Variants in TAF7L observed in about 807,000 individuals in gnomAD.
TAF7L encodes the protein TATA-box binding protein associated factor 7 like.
A neutral mutation model predicts 30.2 loss-of-function variants in TAF7L; 6 were observed. The ratio of observed to expected loss-of-function variants is 0.20; its 90% CI spans 0.11 to 0.39. The LOEUF (loss-of-function observed/expected upper bound fraction) is 0.39, where lower values mean the gene tolerates loss of function less well. Ranked by LOEUF, TAF7L falls within the 10% of genes least tolerant of loss-of-function variation. TAF7L has a pLI of 1.00. For missense variants in TAF7L, 284 were observed against 277.1 expected (o/e 1.03, Z -0.18); for synonymous variants, 93 against 94.5 (o/e 0.98, Z 0.09).
At chrX:101,279,945 CA>C (rs2147375620) in intron 6 of TAF7L, among the ~76,000 whole-genome samples, 1 of 107,235 alleles carries the variant, frequency 9.3e-6, no homozygotes, top group South Asian at 4.0e-4. Context: ...AACAAACAAA[CA>C]AAAACAAAAC....
chrX:101,282,266 G>A, intron 5 of TAF7L, 61 bp downstream of exon 5: 1 of 1,193,182 alleles, frequency 8.4e-7, no homozygotes. Flanking sequence ...GTTTCACAAG[G>A]AATTAGGATT....
At chrX:101,281,881 ACTC>A in intron 5 of TAF7L, 106 bp from the exon 6 acceptor site, 2 of 553,493 alleles carry the variant, frequency 3.6e-6, no homozygotes, top group Non-Finnish European at 5.1e-6. Context: ...TCATGACATC[ACTC>A]CTTTTTTTTT....
chrX:101,280,011 T>G (rs192910279), intron 6 of TAF7L, among the ~76,000 whole-genome samples: 1 of 101,825 alleles, frequency 9.8e-6, no homozygotes, highest in Non-Finnish European at 2.0e-5. Flanking sequence ...TTTACAAAAA[T>G]TAAGTCGAAA....
At chrX:101,272,272 C>G (rs1440382091) in intron 12 of TAF7L, among the ~76,000 whole-genome samples, 1 of 111,927 alleles carries the variant, frequency 8.9e-6, no homozygotes, top group Non-Finnish European at 1.9e-5. Context: ...TCTCCTTCAA[C>G]ACCCAGTAAT....
chrX:101,274,176 G>A (rs1924076151), intron 12 of TAF7L, among the ~76,000 whole-genome samples: 1 of 110,377 alleles, frequency 9.1e-6, no homozygotes, highest in South Asian at 3.9e-4. Context: ...ACATGCAAAA[G>A]GTCTCCAAAT....
chrX:101,279,021 T>C lies in TAF7L; in HGVS notation c.477A>G (p.Lys159=), dbSNP rs777726028. Residue 159 remains lysine, a synonymous_variant, in exon 7 of 13, where the codon AAA becomes AAG. Transcript: ENST00000356784. ...RKTQKKVPDV[K]EMEKSSFTEY... ...CAGTAAAGCTGCTTTTTTCCATTTC[T>C]TTGACATCAGGGACCTATGAAATAA... is the stretch of plus-strand genomic sequence containing the variant. 2 of 1,202,431 alleles carry C rather than the reference T, an allele frequency of 1.7e-6. No homozygotes were observed. Among genetic ancestry groups the C allele is most frequent in the African/African-American group, 3.5e-5 (2 of 57,163 alleles).
chrX:101,280,709 C>T (rs1250552055), intron 6 of TAF7L, among the ~76,000 whole-genome samples: 1 of 111,719 alleles, frequency 9.0e-6, no homozygotes, highest in Non-Finnish European at 1.9e-5. Flanking sequence ...AACCTGTAAA[C>T]AACCCAGATG....
chrX:101,288,463 T>C (rs1042316301), intron 1 of TAF7L, among the ~76,000 whole-genome samples: 4 of 109,440 alleles, frequency 3.7e-5, no homozygotes, highest in African/African-American at 1.3e-4. Flanking sequence ...TTCTTTTTTT[T>C]TTTTTGAGAC....
chrX:101,281,686 G>A lies in TAF7L; in HGVS notation c.462+34C>T, dbSNP rs749924567. The A allele has an allele frequency of 1.8e-5, 21 of 1,189,410 alleles. No homozygotes were observed. The South Asian group carries it at 2.3e-4, about 13-fold the overall frequency. The stretch of plus-strand genomic sequence containing the variant: ...TCTGGCCCATGATCCTCTTCTAATC[G>A]GCCCGGCAGACACACAAATAGCATG... On this transcript the variant is annotated intron_variant, in intron 6 of 12. Transcript: ENST00000356784.
chrX:101,292,828 G>A (rs1924874430), upstream of TAF7L: 3 of 1,209,325 alleles, frequency 2.5e-6, no homozygotes, highest in South Asian at 1.8e-5. Flanking sequence ...CTGGGCAGCA[G>A]CCTGGGCGCT....
rs757322970 is a variant in TAF7L, at chrX:101,289,778, A to G, written c.-3+1446T>C. Among the ~76,000 whole-genome samples, 5 of 109,564 alleles carry G rather than the reference A, an allele frequency of 4.6e-5. No homozygotes were observed. The Admixed American group carries it at 4.8e-4, about 11-fold the overall frequency. Reference sequence around the variant, plus strand: ...TTTTTTTTGTATATTTAGTAGAGACAGGGTTTCACCATGTTGGCCAGGCTG... The same window carrying G: ...TTTTTTTTGTATATTTAGTAGAGACGGGGTTTCACCATGTTGGCCAGGCTG... On this transcript the variant is annotated intron_variant, in intron 1 of 12. Transcript: ENST00000356784.
At chrX:101,286,677 A>G (rs1365387461) in intron 2 of TAF7L, 24 bp from the exon 3 acceptor site, 2 of 1,129,190 alleles carry the variant, frequency 1.8e-6, no homozygotes, top group Admixed American at 2.2e-5. Flanking sequence ...AAATTGAAAA[A>G]TCAGAAGAAC....
chrX:101,273,518 G>GGCGGATGTT (rs1924050130), intron 12 of TAF7L, among the ~76,000 whole-genome samples: 1 of 111,398 alleles, frequency 9.0e-6, no homozygotes, highest in Admixed American at 9.6e-5. Flanking sequence ...GAACCCGAGA[G>GGCGGATGTT]GCGGATGTTG....
intron 8 of TAF7L, 102 bp downstream of exon 8, chrX:101,277,947 C>T (rs1924270125): frequency 1.4e-6 from 1 of 708,850 alleles, no homozygotes; most frequent in Non-Finnish European, 2.2e-6. Context: ...ATCTTAAGTT[C>T]CACACATCAA....
Position 101,283,440 on chromosome X carries a change from T to C in TAF7L, c.279+10A>G. The C allele has an allele frequency of 8.3e-7, 1 of 1,206,784 alleles. No homozygotes were observed. Among genetic ancestry groups the C allele is most frequent in the Non-Finnish European group, 1.1e-6 (1 of 893,538 alleles). On this transcript the variant is annotated intron_variant, in intron 4 of 12. Transcript: ENST00000356784. ...AGGATGTGAGGCTAGTAAAGAAAAC[T>C]AGTCCATACCTGAGAAATGTCTGCT...
At chrX:101,274,999 C>G (rs1273763292) in intron 12 of TAF7L, among the ~76,000 whole-genome samples, 5 of 111,593 alleles carry the variant, frequency 4.5e-5, no homozygotes, top group African/African-American at 1.6e-4. Flanking sequence ...TTGCATTTGT[C>G]TTATTCAACA....
chrX:101,292,427 GA>G (rs1333286413), upstream of TAF7L, among the ~76,000 whole-genome samples: 1 of 68,342 alleles, frequency 1.5e-5, no homozygotes, highest in Non-Finnish European at 2.6e-5. Flanking sequence ...CAACAAGAGC[GA>G]AACTCCGTCA....
chrX:101,291,828 T>C (rs1924816658), upstream of TAF7L, among the ~76,000 whole-genome samples: 1 of 103,277 alleles, frequency 9.7e-6, no homozygotes. Context: ...ATTGCGCCAC[T>C]GCACTCCAGC....
chrX:101,275,270 C>T lies in TAF7L; in HGVS notation c.1038G>A (p.Gln346=). Residue 346 remains glutamine, a synonymous_variant, in exon 12 of 13, where the codon CAG becomes CAA. Transcript: ENST00000356784. ...VENLTLKNHF[Q]SVLEQLELQE... ...GTAACTCAAGCTGCTCCAGCACAGA[C>T]TGAAAATGATTCTGAAAAATAAATT... 8.6e-7 allele frequency: 1 copy of T among 1,160,925 alleles called. No homozygotes were observed. Among genetic ancestry groups the T allele is most frequent in the Non-Finnish European group, 1.2e-6 (1 of 868,791 alleles).
Sources: gnomAD v4.1 joint callset for allele counts (sites outside exome capture counted in the v4.1 genomes callset) on GRCh38, gnomAD v4.1.1 for gene constraint, MANE v1.5 for transcripts, NCBI Gene and HGNC (gene_info 2026-07-23, HGNC 2026-07-21) for gene names.